Variants in TOX3 observed in about 807,000 individuals in gnomAD.
The protein encoded by TOX3 is CAG trinucleotide repeat-containing gene F9 protein.
TOX3 carries 22 observed loss-of-function variants against 64.3 expected under a neutral mutation model. That is an observed-to-expected ratio of 0.34 (90% CI 0.24 to 0.49). The LOEUF (loss-of-function observed/expected upper bound fraction) is 0.49, where lower values mean the gene tolerates loss of function less well. Among genes scored for constraint, TOX3 ranks in the 20% least tolerant of loss-of-function variants. The probability of loss-of-function intolerance (pLI) is 0.99; values close to 1 mark genes in which losing one functional copy is unlikely to be tolerated. For synonymous variants in TOX3, 291 were observed against 273.6 expected (o/e 1.06, Z -0.63); for missense variants, 661 against 714.4 (o/e 0.93, Z 0.85).
At position 52,446,016 on chromosome 16, in the gene TOX3, C is replaced by T. The variant is rs1960151771; in HGVS notation, c.884G>A (p.Ser295Asn). The change falls in exon 5 of 7, where the codon AGC (serine) becomes AAC (asparagine). Residue 295 changes from serine to asparagine, a missense_variant. Coordinates refer to ENST00000219746, the MANE Select transcript of TOX3 (RefSeq NM_001080430.4). The stretch of plus-strand genomic sequence containing the variant: ...CACCTGCTTTTGTTCTTCTCCAAGG[C>T]TGTCCCACATAGATGCTACAATTTT... The part of the protein sequence containing the change: ...VSKIVASMWD[S>N]LGEEQKQVYK... 2 of 1,613,834 alleles carry T rather than the reference C, an allele frequency of 1.2e-6. No individual in the cohort carries two copies. The highest frequency in any genetic ancestry group is 1.7e-6 in the Non-Finnish European group (2 of 1,179,760).
chr16:52,543,326 T>A (rs181255496), intron 1 of TOX3, among the ~76,000 whole-genome samples: 2 of 152,312 alleles, frequency 1.3e-5, no homozygotes, highest in Non-Finnish European at 2.9e-5. Flanking sequence ...AAATCTGAAA[T>A]CCGAAATGTT....
At chr16:52,451,641 T>A (rs143237064) in intron 3 of TOX3, among the ~76,000 whole-genome samples, 2 of 152,314 alleles carry the variant, frequency 1.3e-5, no homozygotes, top group East Asian at 3.9e-4. Context: ...GTCCTTCCGA[T>A]AAGGCTTATT....
intron 1 of TOX3, among the ~76,000 whole-genome samples, chr16:52,498,609 T>C (rs936071845): frequency 2.0e-5 from 3 of 152,200 alleles, no homozygotes; most frequent in African/African-American, 7.2e-5. Flanking sequence ...GGCTGTATTT[T>C]CTAACAACGT....
chr16:52,477,665 C>T (rs1961248222), intron 1 of TOX3, among the ~76,000 whole-genome samples: 1 of 152,000 alleles, frequency 6.6e-6, no homozygotes, highest in Non-Finnish European at 1.5e-5. Context: ...GAACTACTTG[C>T]TAGGGGTCAT....
chr16:52,537,034 C>CACCCAATCCATCATTCAAT, intron 1 of TOX3, among the ~76,000 whole-genome samples: 1 of 151,950 alleles, frequency 6.6e-6, no homozygotes, highest in African/African-American at 2.4e-5. Flanking sequence ...AGCAACTGAC[C>CACCCAATCCATCATTCAAT]ACCCAATCCA....
intron 1 of TOX3, among the ~76,000 whole-genome samples, chr16:52,479,521 G>T (rs79604514): frequency 0.06 from 9,189 of 152,242 alleles, 865 homozygotes; most frequent in African/African-American, 0.2. Flanking sequence ...TCTATTCTGC[G>T]TGTCTTCTCT....
At chr16:52,442,666 G>C (rs1960034882) in intron 6 of TOX3, among the ~76,000 whole-genome samples, 1 of 152,150 alleles carries the variant, frequency 6.6e-6, no homozygotes, top group African/African-American at 2.4e-5. Context: ...TATATTAGCA[G>C]CTACTTCACA....
At chr16:52,510,197 G>T (rs1288605364) in intron 1 of TOX3, among the ~76,000 whole-genome samples, 1 of 149,896 alleles carries the variant, frequency 6.7e-6, no homozygotes, top group Non-Finnish European at 1.5e-5. Flanking sequence ...AAGGTGTTTT[G>T]TTTTTTTCCC....
At chr16:52,501,322 A>C (rs1188629513) in intron 1 of TOX3, among the ~76,000 whole-genome samples, 1 of 152,236 alleles carries the variant, frequency 6.6e-6, no homozygotes, top group African/African-American at 2.4e-5. Flanking sequence ...CACCATCCTG[A>C]TGTATTATGT....
At chr16:52,456,771 A>G (rs1960529982) in intron 3 of TOX3, among the ~76,000 whole-genome samples, 2 of 152,228 alleles carry the variant, frequency 1.3e-5, no homozygotes, top group African/African-American at 4.8e-5. Flanking sequence ...TGGCCAATAG[A>G]ATGCCAAATA....
At chr16:52,471,143 G>T (rs972592918) in intron 1 of TOX3, among the ~76,000 whole-genome samples, 7 of 151,746 alleles carry the variant, frequency 4.6e-5, no homozygotes, top group Admixed American at 1.3e-4. Flanking sequence ...CACTATTTGG[G>T]GTATACTTAT....
At chr16:52,546,031 G>C (rs1963173056) in intron 1 of TOX3, among the ~76,000 whole-genome samples, 2 of 152,212 alleles carry the variant, frequency 1.3e-5, no homozygotes, top group African/African-American at 4.8e-5. Flanking sequence ...TACTCTAAGC[G>C]GGGAGGGGCG....
intron 1 of TOX3, among the ~76,000 whole-genome samples, chr16:52,541,316 AG>A (rs975851955): frequency 2.0e-5 from 3 of 152,160 alleles, no homozygotes; most frequent in Non-Finnish European, 2.9e-5. Context: ...TCCGGGTTTG[AG>A]CATCATTTGT....
At chr16:52,504,223 T>C (rs971597053) in intron 1 of TOX3, among the ~76,000 whole-genome samples, 2 of 151,876 alleles carry the variant, frequency 1.3e-5, no homozygotes, top group African/African-American at 2.4e-5. Flanking sequence ...TCCCAGCACT[T>C]TGGGTGGCTG....
At chr16:52,508,693 C>T (rs1962224659) in intron 1 of TOX3, among the ~76,000 whole-genome samples, 1 of 152,018 alleles carries the variant, frequency 6.6e-6, no homozygotes, top group Admixed American at 6.6e-5. Context: ...AAGTGACTAT[C>T]TCTGGGGGCA....
chr16:52,521,017 C>T (rs1407389847), intron 1 of TOX3, among the ~76,000 whole-genome samples: 1 of 152,008 alleles, frequency 6.6e-6, no homozygotes, highest in Non-Finnish European at 1.5e-5. Context: ...ACAATAAATA[C>T]AAAATAATCT....
In TOX3 at chr16:52,546,752, G is replaced by A. The variant is rs1357514535; in HGVS notation, c.-29C>T. ...GAAGCTGGGCCCGGGGCCGGGGGCC[G>A]GGACTGGGGTTCGCCGGGGCCGGGA... On this transcript the variant is annotated 5_prime_UTR_variant, in exon 1 of 7. Coordinates refer to ENST00000219746, the MANE Select transcript of TOX3 (RefSeq NM_001080430.4). 3 of 1,483,012 alleles carry A rather than the reference G, an allele frequency of 2.0e-6. No individual in the cohort carries two copies. Among genetic ancestry groups the A allele is most frequent in the South Asian group, 2.5e-5 (2 of 78,662 alleles). The allele number at this position is 1,483,012 out of a possible 1,614,324, so 91.9% of individuals were successfully genotyped here.
rs193273219 is a variant in TOX3, at chr16:52,513,359, T to C, written c.87+33278A>G. ...TCACAAAGATGATAATCATTTCCTC[T>C]TTGTGTATTCAATGGACAGAAATCT... is the stretch of plus-strand genomic sequence containing the variant. On this transcript the variant is annotated intron_variant, in intron 1 of 6. Coordinates refer to ENST00000219746, the MANE Select transcript of TOX3 (RefSeq NM_001080430.4). Among the ~76,000 whole-genome samples, 689 of 152,336 alleles carry C rather than the reference T, an allele frequency of 4.5e-3. 33 individuals carry two copies. The highest frequency in any genetic ancestry group is 0.042 in the Admixed American group (640 of 15,304).
At chr16:52,517,345 C>T (rs1272723554) in intron 1 of TOX3, among the ~76,000 whole-genome samples, 1 of 152,144 alleles carries the variant, frequency 6.6e-6, no homozygotes, top group Non-Finnish European at 1.5e-5. Context: ...CCACCTGTGC[C>T]TCTGCCTCTA....
Sources: gnomAD v4.1 joint callset for allele counts (sites outside exome capture counted in the v4.1 genomes callset) on GRCh38, gnomAD v4.1.1 for gene constraint, MANE v1.5 for transcripts, NCBI Gene and HGNC (gene_info 2026-07-23, HGNC 2026-07-21) for gene names.